The following SPON1 variants were observed in gnomAD, a reference collection of about 807,000 sequenced individuals.
The protein encoded by SPON1 is spondin-1.
Under a neutral mutation model 111.7 loss-of-function variants are expected in SPON1, and 52 were observed. That is an observed-to-expected ratio of 0.47 (90% confidence interval 0.37 to 0.59). The LOEUF (loss-of-function observed/expected upper bound fraction) is 0.59. SPON1 is among the 20% of genes least tolerant of loss of function. The pLI, the probability that SPON1 is intolerant of heterozygous loss-of-function variation, is 0.00. For missense variants in SPON1, 957 were observed against 1,068.5 expected (o/e 0.90, Z 1.46); for synonymous variants, 410 against 395.8 (o/e 1.04, Z -0.43).
intron 14 of SPON1, among the ~76,000 whole-genome samples, chr11:14,261,935 C>G (rs1849188887): frequency 6.6e-6 from 1 of 152,156 alleles, no homozygotes; most frequent in Non-Finnish European, 1.5e-5. Context: ...AACTGTTGAA[C>G]TAAATGAGGA....
At chr11:14,238,282 G>A (rs1591422747) in intron 6 of SPON1, among the ~76,000 whole-genome samples, 1 of 152,160 alleles carries the variant, frequency 6.6e-6, no homozygotes, top group Admixed American at 6.5e-5. Context: ...AGTTGGCCAG[G>A]CTGACTCCAC....
intron 5 of SPON1, among the ~76,000 whole-genome samples, chr11:14,110,104 TCC>T (rs1313709570): frequency 2.0e-5 from 3 of 152,202 alleles, no homozygotes; most frequent in Non-Finnish European, 2.9e-5. Flanking sequence ...CTATCAGTTA[TCC>T]TACTGGCCAT....
chr11:14,090,811 A>G (rs1318137604), intron 5 of SPON1, among the ~76,000 whole-genome samples: 1 of 107,014 alleles, frequency 9.3e-6, no homozygotes, highest in Non-Finnish European at 1.7e-5. Context: ...GCCTGCTTTT[A>G]TTCTCTTATC....
intron 6 of SPON1, among the ~76,000 whole-genome samples, chr11:14,214,068 CT>C (rs1848602812): frequency 6.6e-6 from 1 of 152,188 alleles, no homozygotes; most frequent in African/African-American, 2.4e-5. Context: ...CCAAACATGC[CT>C]CTGAACCTCT....
chr11:14,018,170 A>G (rs1554914482), intron 2 of SPON1, among the ~76,000 whole-genome samples: 2 of 152,222 alleles, frequency 1.3e-5, no homozygotes, highest in Non-Finnish European at 2.9e-5. Context: ...ATATATTTCA[A>G]TACATGGATA....
chr11:14,062,917 T>C (rs1554919996), intron 3 of SPON1, among the ~76,000 whole-genome samples: 1 of 152,140 alleles, frequency 6.6e-6, no homozygotes, highest in Non-Finnish European at 1.5e-5. Flanking sequence ...GGAGGTCTGT[T>C]GTGCTGCACC....
chr11:14,085,858 A>G (rs969744698), intron 5 of SPON1, among the ~76,000 whole-genome samples: 1 of 152,016 alleles, frequency 6.6e-6, no homozygotes, highest in African/African-American at 2.4e-5. Context: ...TGAAGAGGTC[A>G]TTCATGTCCC....
Position 14,045,935 on chromosome 11 carries a change from C to T in SPON1, c.479+4281C>T, listed in dbSNP as rs537578781. On this transcript the variant is annotated intron_variant, in intron 3 of 15. Transcript: ENST00000576479. ...TTGTTCAAAAATAATTTTCCTATGCCTAAGGCTATAAATATATTCCCATAT... is the reference window on the plus strand; with the variant it reads ...TTGTTCAAAAATAATTTTCCTATGCTTAAGGCTATAAATATATTCCCATAT... Among the ~76,000 whole-genome samples, 30 of 152,074 alleles carry T rather than the reference C, an allele frequency of 2.0e-4. 1 individual carries two copies. The South Asian group carries it at 6.2e-3, about 32-fold the overall frequency.
Position 14,036,351 on chromosome 11 carries a change from A to C in SPON1, c.346-5170A>C, listed in dbSNP as rs1554916632. Among the ~76,000 whole-genome samples the C allele has an allele frequency of 2.0e-5, 3 of 152,228 alleles. No individual in the cohort carries two copies. In the East Asian group the frequency reaches 5.8e-4, roughly 29 times the overall value. ...ATGTAGCTTAGTCCAGGGTAATAGT[A>C]AGAATGGTGGTAGACATTCAGGAGA... is the stretch of plus-strand genomic sequence containing the variant. On this transcript the variant is annotated intron_variant, in intron 2 of 15. Coordinates refer to ENST00000576479, the MANE Select transcript of SPON1 (RefSeq NM_006108.4).
intron 6 of SPON1, among the ~76,000 whole-genome samples, chr11:14,138,965 C>A (rs1476672534): frequency 6.6e-6 from 1 of 152,156 alleles, no homozygotes; most frequent in Non-Finnish European, 1.5e-5. Flanking sequence ...CCTGATGCCC[C>A]TGCCTCTGAT....
intron 6 of SPON1, among the ~76,000 whole-genome samples, chr11:14,144,909 G>T (rs1847701332): frequency 6.6e-6 from 1 of 151,952 alleles, no homozygotes; most frequent in Non-Finnish European, 1.5e-5. Flanking sequence ...GGCCCCCAAG[G>T]GTGCCCAACC....
At chr11:14,242,258 G>A (rs1554939767) in intron 6 of SPON1, among the ~76,000 whole-genome samples, 1 of 152,192 alleles carries the variant, frequency 6.6e-6, no homozygotes, top group Non-Finnish European at 1.5e-5. Context: ...CATTCTAACT[G>A]CATTCTAGGC....
At chr11:14,256,579 C>T in intron 9 of SPON1, 38 bp from the exon 10 acceptor site, 1 of 1,432,154 alleles carries the variant, frequency 7.0e-7, no homozygotes, top group Non-Finnish European at 9.8e-7. Context: ...TCCCTTCTTT[C>T]TCTCATGTGA....
intron 3 of SPON1, among the ~76,000 whole-genome samples, chr11:14,074,842 G>A (rs1848904499): frequency 6.6e-6 from 1 of 152,190 alleles, no homozygotes; most frequent in Admixed American, 6.5e-5. Flanking sequence ...GAATGTAGGA[G>A]ACAGTTTTGT....
At chr11:14,227,828 T>C (rs1554938286) in intron 6 of SPON1, among the ~76,000 whole-genome samples, 1 of 152,182 alleles carries the variant, frequency 6.6e-6, no homozygotes, top group Non-Finnish European at 1.5e-5. Context: ...CTTAATACCA[T>C]GCTTTTGCAA....
At chr11:14,046,641 TTTGATAGCAAGTCA>T (rs1848670246) in intron 3 of SPON1, among the ~76,000 whole-genome samples, 1 of 152,202 alleles carries the variant, frequency 6.6e-6, no homozygotes, top group African/African-American at 2.4e-5. Context: ...ATGGTTATGT[TTTGATAGCAAGTCA>T]TTGCTCATTA....
chr11:14,262,560 C>A, intron 14 of SPON1, 152 bp from the exon 15 acceptor site: 1 of 1,044,816 alleles, frequency 9.6e-7, no homozygotes, highest in Non-Finnish European at 1.4e-6. Context: ...GTCAGCCTGC[C>A]TCTTTGGAGC....
chr11:14,206,513 GTTA>G (rs1352723414), intron 6 of SPON1, among the ~76,000 whole-genome samples: 5 of 152,140 alleles, frequency 3.3e-5, no homozygotes, highest in Admixed American at 6.5e-5. Context: ...TAGGTCTTCT[GTTA>G]TTGTTGTATC....
rs1450951169 is a variant in SPON1 at position 14,179,176 on chromosome 11, G to A, written c.825+43608G>A. On this transcript the variant is annotated intron_variant, in intron 6 of 15. Coordinates refer to ENST00000576479, the MANE Select transcript of SPON1 (RefSeq NM_006108.4). ...GGCAAGCCATTGGGATTTGCACACA[G>A]ATTAGAAACCATGAAGAAAGCGTCA... Among the ~76,000 whole-genome samples, 6 of 152,284 alleles carry A rather than the reference G, an allele frequency of 3.9e-5. No homozygotes were observed. In the East Asian group the frequency reaches 1.2e-3, roughly 29 times the overall value.
Sources: gnomAD v4.1 joint callset for allele counts (sites outside exome capture counted in the v4.1 genomes callset) on GRCh38, gnomAD v4.1.1 for gene constraint, MANE v1.5 for transcripts, NCBI Gene and HGNC (gene_info 2026-07-23, HGNC 2026-07-21) for gene names.